TBCEL: variants seen among roughly 807,000 people sequenced by gnomAD.
TBCEL encodes the protein tubulin-specific chaperone cofactor E-like protein.
TBCEL carries 15 observed loss-of-function variants against 44.2 expected under a neutral mutation model. That is an observed-to-expected ratio of 0.34 (90% CI 0.23 to 0.52). The LOEUF is 0.52. Among genes scored for constraint, TBCEL ranks in the 20% least tolerant of loss-of-function variants. The pLI is 0.95. For missense variants in TBCEL, 319 were observed against 506.3 expected, an observed-to-expected ratio of 0.63 and a Z score of 3.55; for synonymous variants, 171 against 185.4, an observed-to-expected ratio of 0.92 and a Z score of 0.63.
chr11:121,077,575 G>A (rs752327400), intron 8 of TBCEL, among the ~76,000 whole-genome samples: 7 of 152,048 alleles, frequency 4.6e-5, no homozygotes, highest in African/African-American at 9.6e-5. Flanking sequence ...AACCAGCTTC[G>A]GGTGTTATGA....
At chr11:121,059,859 A>G (rs999430513) in intron 7 of TBCEL, 110 bp from the exon 8 acceptor site, 2 of 756,120 alleles carry the variant, frequency 2.6e-6, no homozygotes, top group South Asian at 1.9e-5. Context: ...AACTACATCA[A>G]ATGTGTCCTT....
At chr11:121,041,776 C>CT (rs1945337311) in intron 2 of TBCEL, among the ~76,000 whole-genome samples, 1 of 151,872 alleles carries the variant, frequency 6.6e-6, no homozygotes, top group Non-Finnish European at 1.5e-5. Flanking sequence ...GTTACATTAC[C>CT]AATCCATTTC....
In TBCEL at chr11:121,087,328, T is replaced by G; in HGVS notation, c.*232T>G. On this transcript the variant is annotated 3_prime_UTR_variant, in exon 9 of 9. Coordinates refer to ENST00000683345, the MANE Select transcript of TBCEL (RefSeq NM_001363644.2). ...CGGAATTGGCCACATTTCCAGTGTA[T>G]GTGCCCTCTCTAAGGAAAGATGACA... 3.9e-6 allele frequency: 2 copies of G among 515,852 alleles called. No individual in the cohort carries two copies. The highest frequency in any genetic ancestry group is 6.9e-6 in the Non-Finnish European group (2 of 288,528). The allele number at this position is 515,852 out of a possible 1,614,324, so 32.0% of individuals were successfully genotyped here.
intron 3 of TBCEL, among the ~76,000 whole-genome samples, 189 bp downstream of exon 3, chr11:121,046,012 T>C (rs1374623786): frequency 6.6e-6 from 1 of 152,118 alleles, no homozygotes; most frequent in African/African-American, 2.4e-5. Flanking sequence ...GATTAAGAGA[T>C]GTTTTAGTTG....
At chr11:121,029,662 CTT>C (rs1197155080) in intron 1 of TBCEL, among the ~76,000 whole-genome samples, 2 of 152,168 alleles carry the variant, frequency 1.3e-5, no homozygotes, top group Non-Finnish European at 1.5e-5. Context: ...CTGTGTGAAA[CTT>C]TGATTAATCA....
intron 8 of TBCEL, among the ~76,000 whole-genome samples, chr11:121,065,448 C>G (rs1945803427): frequency 6.6e-6 from 1 of 152,128 alleles, no homozygotes; most frequent in Non-Finnish European, 1.5e-5. Flanking sequence ...AATTCTCCTT[C>G]TTTCTGTTTT....
At chr11:121,082,501 A>G (rs1215306776) in intron 8 of TBCEL, among the ~76,000 whole-genome samples, 1 of 152,192 alleles carries the variant, frequency 6.6e-6, no homozygotes, top group Admixed American at 6.5e-5. Flanking sequence ...GGGAGCCAAA[A>G]TTCTGCTTAC....
In TBCEL at chr11:121,078,409, G is replaced by A. The variant is rs148221808; in HGVS notation, c.957-8369G>A. Among the ~76,000 whole-genome samples, 1,230 of 152,138 alleles carry A rather than the reference G, an allele frequency of 8.1e-3. 18 individuals carry two copies. Among genetic ancestry groups the A allele is most frequent in the African/African-American group, 0.028 (1,176 of 41,510 alleles). On this transcript the variant is annotated intron_variant, in intron 8 of 8. Transcript: ENST00000683345. ...CCTCTAAGCAGCTCCCCTAACTCCT[G>A]GTCCAGAACCAGCTCTTATAATGGA...
intron 4 of TBCEL, among the ~76,000 whole-genome samples, chr11:121,051,594 CT>C (rs1437897723): frequency 6.6e-6 from 1 of 151,712 alleles, no homozygotes; most frequent in Non-Finnish European, 1.5e-5. Context: ...ACAGACTGAG[CT>C]CCAAATACTA....
chr11:121,079,509 T>C (rs1300434479), intron 8 of TBCEL, among the ~76,000 whole-genome samples: 1 of 152,220 alleles, frequency 6.6e-6, no homozygotes, highest in Non-Finnish European at 1.5e-5. Flanking sequence ...TATGAGGCTT[T>C]GGGTTAACAA....
chr11:121,043,862 A>C (rs1945379158), intron 2 of TBCEL, among the ~76,000 whole-genome samples: 1 of 152,042 alleles, frequency 6.6e-6, no homozygotes, highest in African/African-American at 2.4e-5. Context: ...AATGGTGTCC[A>C]AATCTTCATC....
chr11:121,058,137 A>G (rs75164175), intron 6 of TBCEL, among the ~76,000 whole-genome samples: 2,572 of 151,978 alleles, frequency 0.017, 78 homozygotes, highest in African/African-American at 0.059. Context: ...TAACCCGTGG[A>G]TCACAGAGGT....
Position 121,087,100 on chromosome 11 carries a change from C to T in TBCEL, c.*4C>T, listed in dbSNP as rs1201186179. ...CGTGGAATCCAAAACAAAATAACCT[C>T]TACCAGCCTTGTGAAAAACATACAC... On this transcript the variant is annotated 3_prime_UTR_variant, in exon 9 of 9. Transcript: ENST00000683345. 1 of 1,607,100 alleles carries T rather than the reference C, an allele frequency of 6.2e-7. No individual in the cohort carries two copies.
At chr11:121,046,503 C>T (rs1265659646) in intron 3 of TBCEL, among the ~76,000 whole-genome samples, 3 of 151,980 alleles carry the variant, frequency 2.0e-5, no homozygotes, top group Admixed American at 2.0e-4. Context: ...TCAAAGGTTA[C>T]TGAGTGTTTG....
At chr11:121,032,782 C>T (rs148987167) in intron 1 of TBCEL, among the ~76,000 whole-genome samples, 127 of 152,284 alleles carry the variant, frequency 8.3e-4, no homozygotes, top group African/African-American at 2.9e-3. Context: ...AACAAGAAGG[C>T]GTAGTGCCAC....
chr11:121,031,945 A>C (rs746363160), intron 1 of TBCEL, among the ~76,000 whole-genome samples: 7 of 152,100 alleles, frequency 4.6e-5, no homozygotes, highest in Non-Finnish European at 1.0e-4. Context: ...GATGTAAGCC[A>C]CCATGACTGG....
At chr11:121,058,199 C>A in intron 6 of TBCEL, 146 bp from the exon 7 acceptor site, 1 of 983,830 alleles carries the variant, frequency 1.0e-6, no homozygotes, top group Non-Finnish European at 1.4e-6. Flanking sequence ...CTGCTCTTGC[C>A]TTGGATGAAG....
chr11:121,059,391 T>C (rs1404374019), intron 7 of TBCEL, among the ~76,000 whole-genome samples: 1 of 151,960 alleles, frequency 6.6e-6, no homozygotes, highest in East Asian at 1.9e-4. Context: ...CTGACTACTC[T>C]CTAGACTGGG....
At chr11:121,082,841 A>G (rs1259912692) in intron 8 of TBCEL, among the ~76,000 whole-genome samples, 1 of 152,128 alleles carries the variant, frequency 6.6e-6, no homozygotes, top group Non-Finnish European at 1.5e-5. Context: ...AGGGAAAGGG[A>G]AAATCAGCAA....
Sources: allele counts gnomAD v4.1 joint callset (sites outside exome capture counted in the v4.1 genomes callset), GRCh38; gene constraint gnomAD v4.1.1; transcripts MANE v1.5; gene names NCBI Gene and HGNC (gene_info 2026-07-23, HGNC 2026-07-21).